The following PHF20L1 variants were observed in gnomAD, a reference collection of about 807,000 sequenced individuals.
PHF20L1 encodes the protein PHD finger protein 20 like 1.
A neutral mutation model predicts 125.5 loss-of-function variants in PHF20L1; 44 were observed. The ratio of observed to expected loss-of-function variants is 0.35; its 90% CI spans 0.28 to 0.45. The LOEUF is 0.45. Among genes scored for constraint, PHF20L1 ranks in the 20% least tolerant of loss-of-function variants. PHF20L1 has a pLI of 1.00. For synonymous variants in PHF20L1, 380 were observed against 403.1 expected, an observed-to-expected ratio of 0.94 and a Z score of 0.69; for missense variants, 1,012 against 1,217.2, an observed-to-expected ratio of 0.83 and a Z score of 2.51.
intron 14 of PHF20L1, among the ~76,000 whole-genome samples, chr8:132,831,474 T>C (rs958936195): frequency 1.3e-5 from 2 of 152,040 alleles, no homozygotes; most frequent in Admixed American, 1.3e-4. Context: ...AAAACAGAAT[T>C]TTTACAGAGT....
chr8:132,802,859 T>A (rs182298903), intron 6 of PHF20L1, among the ~76,000 whole-genome samples: 1 of 152,004 alleles, frequency 6.6e-6, no homozygotes, highest in Non-Finnish European at 1.5e-5. Flanking sequence ...AAATTTTTAG[T>A]TGCTTGGACT....
Position 132,839,394 on chromosome 8 carries a change from G to A in PHF20L1, c.2199G>A (p.Arg733=). Residue 733 remains arginine (R), a synonymous_variant, in exon 18 of 21, where the codon AGG becomes AGA. Coordinates refer to ENST00000395386, the MANE Select transcript of PHF20L1 (RefSeq NM_016018.5). ...CYICRDPPGQ[R]WSAKYRYDKE... ...TATCAACTTCATCTGCAGGTCAGAG[G>A]TGGAGTGCAAAATATCGTTATGATA... The A allele has an allele frequency of 6.2e-7, 1 of 1,611,474 alleles. No individual in the cohort carries two copies. Among genetic ancestry groups the A allele is most frequent in the Non-Finnish European group, 8.5e-7 (1 of 1,177,800 alleles).
In PHF20L1 at chr8:132,817,051, T is replaced by C; in HGVS notation, c.1347T>C (p.Asn449=). The change falls in exon 11 of 21, where the codon AAT becomes AAC. Residue 449 remains asparagine (N), a synonymous_variant. Transcript: ENST00000395386. The part of the protein sequence containing the change: ...DGKVFSISSQ[N]QQESSVPEVP... ...AAGTATTCTCCATCAGTTCTCAAAA[T>C]CAGCAAGAATCTTCAGTACCAGAGG... 1 of 1,587,658 alleles carries C rather than the reference T, an allele frequency of 6.3e-7. No individual in the cohort carries two copies. Among genetic ancestry groups the C allele is most frequent in the Non-Finnish European group, 8.6e-7 (1 of 1,167,888 alleles).
chr8:132,842,387 A>T, intron 18 of PHF20L1, 128 bp from the exon 19 acceptor site: 1 of 687,244 alleles, frequency 1.5e-6, no homozygotes, highest in South Asian at 3.2e-5. Flanking sequence ...TAATTTAAAG[A>T]TTACCTTTGC....
At chr8:132,845,717 G>C (rs1289731139) in intron 20 of PHF20L1, 64 bp from the exon 21 acceptor site, 3 of 1,172,588 alleles carry the variant, frequency 2.6e-6, no homozygotes, top group East Asian at 4.7e-5. Context: ...CTTTCTGATT[G>C]TTTCATTTTC....
chr8:132,806,111 G>A (rs1043275888), intron 8 of PHF20L1, among the ~76,000 whole-genome samples: 1 of 151,904 alleles, frequency 6.6e-6, no homozygotes, highest in Non-Finnish European at 1.5e-5. Context: ...CAAAGAAGAC[G>A]GAGATGACAC....
chr8:132,797,264 C>T (rs1293674275), intron 4 of PHF20L1, among the ~76,000 whole-genome samples: 1 of 152,006 alleles, frequency 6.6e-6, no homozygotes, highest in African/African-American at 2.4e-5. Context: ...CAAAAGAAGC[C>T]ATCCGTTCAG....
chr8:132,821,997 G>A (rs1451496580), intron 12 of PHF20L1, among the ~76,000 whole-genome samples: 2 of 151,874 alleles, frequency 1.3e-5, no homozygotes, highest in Non-Finnish European at 2.9e-5. Flanking sequence ...GTTGACTTCT[G>A]GAATGGTCTC....
At position 132,844,284 on chromosome 8, in the gene PHF20L1, C is replaced by A. The variant is rs770350780; in HGVS notation, c.2877C>A (p.Thr959=). 3.7e-6 allele frequency: 6 copies of A among 1,612,178 alleles called. No homozygotes were observed. In the Admixed American group the frequency reaches 1.0e-4, roughly 27 times the overall value. Residue 959 remains threonine (T), a synonymous_variant, in exon 20 of 21, where the codon ACC becomes ACA. Coordinates refer to ENST00000395386, the MANE Select transcript of PHF20L1 (RefSeq NM_016018.5). ...TAGAAAATGTGCAGAACGAAGTTACCAGCAGGATGGACCTAATAGAAAAAG... is the reference window on the plus strand; with the variant it reads ...TAGAAAATGTGCAGAACGAAGTTACAAGCAGGATGGACCTAATAGAAAAAG... ...THIENVQNEV[T]SRMDLIEKEV...
chr8:132,825,674 T>A (rs1277059883), intron 14 of PHF20L1, among the ~76,000 whole-genome samples: 1 of 152,054 alleles, frequency 6.6e-6, no homozygotes, highest in African/African-American at 2.4e-5. Flanking sequence ...GTAATTATTC[T>A]CAGTCTAGAA....
chr8:132,845,935 A>C lies in PHF20L1; in HGVS notation c.*12A>C. 2 of 1,601,096 alleles carry C rather than the reference A, an allele frequency of 1.2e-6. No homozygotes were observed. Among genetic ancestry groups the C allele is most frequent in the Non-Finnish European group, 8.5e-7 (1 of 1,170,962 alleles). ...TTTGCTCTGTATGACAACAGTGAAC[A>C]CTTAATGAAAGAATGTGGCTTTCTT... On this transcript the variant is annotated 3_prime_UTR_variant, in exon 21 of 21. Transcript: ENST00000395386.
rs1838507184 is a variant in PHF20L1, at chr8:132,847,562, T to C, written c.*1639T>C. On this transcript the variant is annotated 3_prime_UTR_variant, in exon 21 of 21. Transcript: ENST00000395386. ...TGTAAGGGTACTGTATGTAAAACTC[T>C]GTATTAAAACTATTCCACATATCCT... The C allele has an allele frequency of 6.6e-6, 1 of 152,610 alleles. No homozygotes were observed. Among genetic ancestry groups the C allele is most frequent in the Non-Finnish European group, 1.5e-5 (1 of 68,016 alleles). 9.5% of individuals were successfully genotyped at this position (152,610 alleles called of 1,614,324 possible). A position where few individuals can be genotyped will look rare whatever the true frequency, so the allele number is the denominator to read the frequency against.
chr8:132,812,570 C>T, intron 9 of PHF20L1: 2 of 983,726 alleles, frequency 2.0e-6, no homozygotes, highest in Non-Finnish European at 2.4e-6. Flanking sequence ...TTAATGAAAA[C>T]CTTGTAAATT....
intron 14 of PHF20L1, among the ~76,000 whole-genome samples, chr8:132,827,118 T>C (rs2131803687): frequency 6.6e-6 from 1 of 152,082 alleles, no homozygotes; most frequent in Non-Finnish European, 1.5e-5. Flanking sequence ...TTCCGGGCAC[T>C]TCTGTGTGTG....
rs1160528503 is a variant in PHF20L1, at chr8:132,842,775, A to G, written c.2648A>G (p.Asp883Gly). The change falls in exon 19 of 21, where the codon GAT becomes GGT. Residue 883 changes from aspartate (D) to glycine (G), a missense_variant. Asp to Gly is a moderately conservative substitution (Grantham distance 94). This residue lies in a region of PHF20L1 where 277 missense variants were observed against 283.6 expected (regional missense o/e 0.98). Transcript: ENST00000395386. ...CKSLADPGSSDDDDVSSLEEE... is the reference protein window; with the variant it reads ...CKSLADPGSSGDDDVSSLEEE... ...TCTCTCGCAGACCCTGGGAGCTCAG[A>G]TGATGATGATGTTAGTAGTTTGGAA... The G allele has an allele frequency of 1.2e-6, 2 of 1,613,062 alleles. No homozygotes were observed. Among genetic ancestry groups the G allele is most frequent in the East Asian group, 2.2e-5 (1 of 44,856 alleles).
At chr8:132,814,251 C>G (rs934847118) in intron 9 of PHF20L1, among the ~76,000 whole-genome samples, 2 of 151,840 alleles carry the variant, frequency 1.3e-5, no homozygotes, top group African/African-American at 4.8e-5. Flanking sequence ...TAAATGTATT[C>G]CTCTAATCCT....
At chr8:132,792,047 A>G (rs960018077) in intron 2 of PHF20L1, among the ~76,000 whole-genome samples, 6 of 152,250 alleles carry the variant, frequency 3.9e-5, no homozygotes, top group African/African-American at 1.2e-4. Flanking sequence ...ACTGTGGACT[A>G]TTCTCACTTT....
intron 17 of PHF20L1, chr8:132,838,273 C>T (rs1436208169): frequency 5.7e-6 from 1 of 175,076 alleles, no homozygotes; most frequent in South Asian, 1.3e-4. Context: ...GCCTCTGTTC[C>T]TCTGTATCCA....
At chr8:132,812,460 A>T in intron 9 of PHF20L1, 1 of 984,692 alleles carries the variant, frequency 1.0e-6, no homozygotes. Context: ...AATTGAATTT[A>T]AAAAAGAAAG....
Sources: gnomAD v4.1 joint callset for allele counts (sites outside exome capture counted in the v4.1 genomes callset) on GRCh38, gnomAD v4.1.1 for gene constraint, gnomAD v4.1.1 regional missense constraint, MANE v1.5 for transcripts, NCBI Gene and HGNC (gene_info 2026-07-23, HGNC 2026-07-21) for gene names.